The following RARB variants were observed in gnomAD, a reference collection of about 807,000 sequenced individuals.
The protein encoded by RARB is HBV-activated protein.
Under a neutral mutation model 51.9 loss-of-function variants are expected in RARB, and 17 were observed. The ratio of observed to expected loss-of-function variants is 0.33; its 90% CI spans 0.22 to 0.49. The LOEUF (loss-of-function observed/expected upper bound fraction) is 0.49. RARB is among the 20% of genes least tolerant of loss of function. The pLI, the probability that RARB is intolerant of heterozygous loss-of-function variation, is 0.99. For missense variants in RARB, 369 were observed against 550.8 expected (o/e 0.67, Z 3.30); for synonymous variants, 215 against 195.4 (o/e 1.10, Z -0.84).
intron 5 of RARB, among the ~76,000 whole-genome samples, chr3:25,288,821 T>C (rs868557639): frequency 6.6e-6 from 1 of 152,212 alleles, no homozygotes; most frequent in East Asian, 1.9e-4. Context: ...ATTGTCCCTG[T>C]AGAAATTTGA....
intron 5 of RARB, among the ~76,000 whole-genome samples, chr3:25,333,627 T>C (rs997258098): frequency 1.1e-4 from 16 of 152,124 alleles, no homozygotes; most frequent in African/African-American, 2.4e-4. Context: ...GCAAGGACTT[T>C]ATGTCTAAAA....
At chr3:25,239,639 T>G (rs1222111649) in intron 5 of RARB, among the ~76,000 whole-genome samples, 1 of 152,202 alleles carries the variant, frequency 6.6e-6, no homozygotes. Context: ...CTGGGTCCTC[T>G]ATTCTGTTCC....
intron 5 of RARB, among the ~76,000 whole-genome samples, chr3:25,191,751 C>G (rs904824712): frequency 6.6e-6 from 1 of 152,092 alleles, no homozygotes; most frequent in African/African-American, 2.4e-5. Context: ...CCAAATTATA[C>G]TCCCTCAGTG....
At chr3:25,047,968 G>T (rs1007503326) in intron 2 of RARB, among the ~76,000 whole-genome samples, 2 of 152,194 alleles carry the variant, frequency 1.3e-5, no homozygotes, top group Admixed American at 6.5e-5. Context: ...TAGTGAATAA[G>T]TCTCATGAGA....
intron 2 of RARB, among the ~76,000 whole-genome samples, chr3:25,028,812 C>A (rs141841037): frequency 6.6e-6 from 1 of 152,272 alleles, no homozygotes; most frequent in African/African-American, 2.4e-5. Context: ...GGAGAATATC[C>A]TGTGGTTGTC....
chr3:25,482,685 G>A (rs773141786), intron 2 of RARB, among the ~76,000 whole-genome samples: 5 of 151,428 alleles, frequency 3.3e-5, no homozygotes, highest in Non-Finnish European at 5.9e-5. Context: ...GACTACAGGC[G>A]CGTGCCACCA....
intron 4 of RARB, among the ~76,000 whole-genome samples, chr3:25,172,465 T>C (rs977504606): frequency 1.3e-5 from 2 of 152,308 alleles, no homozygotes; most frequent in African/African-American, 4.8e-5. Flanking sequence ...GTGCCTCACA[T>C]ATGGTAAATA....
At chr3:25,033,493 T>C (rs1187201518) in intron 2 of RARB, among the ~76,000 whole-genome samples, 2 of 152,116 alleles carry the variant, frequency 1.3e-5, no homozygotes, top group Non-Finnish European at 2.9e-5. Flanking sequence ...CACAGGGAAG[T>C]GTGTGGGAAA....
In RARB at chr3:24,896,481, G is replaced by A. The variant is rs576886993; in HGVS notation, c.-380+37729G>A. 9.2e-5 allele frequency among the ~76,000 whole-genome samples: 14 copies of A among 152,060 alleles called. No homozygotes were observed. In the South Asian group the frequency reaches 2.1e-3, roughly 23 times the overall value. ...TCACAGTGTTAGCCAGGATGGTCTCGATCTCCTGACCTCCTGATCCGCCCG... is the reference window on the plus strand; with the variant it reads ...TCACAGTGTTAGCCAGGATGGTCTCAATCTCCTGACCTCCTGATCCGCCCG... On this transcript the variant is annotated intron_variant, in intron 2 of 11. Transcript: ENST00000383772.
chr3:25,124,489 T>C (rs1012478628), intron 3 of RARB, among the ~76,000 whole-genome samples: 33 of 152,224 alleles, frequency 2.2e-4, no homozygotes, highest in Non-Finnish European at 4.4e-4. Context: ...TTTGATCCTG[T>C]ACTGGGAATT....
In RARB at chr3:25,063,725, T is replaced by TAA. The variant is rs77878713; in HGVS notation, c.-328+3553_-328+3554dup. ...GTTTGAGACTTTTTTTTTTTTTTTTTAAAAAGATGAGGAAACAGACCTTGG... is the reference window on the plus strand; with the variant it reads ...GTTTGAGACTTTTTTTTTTTTTTTTTAAAAAAAGATGAGGAAACAGACCTTGG... On this transcript the variant is annotated intron_variant, in intron 3 of 11. Transcript: ENST00000383772. 9.7e-3 allele frequency among the ~76,000 whole-genome samples: 1,455 copies of TAA among 149,266 alleles called. 14 individuals carry two copies. Among genetic ancestry groups the TAA allele is most frequent in the African/African-American group, 0.025 (1,021 of 40,760 alleles).
chr3:25,564,102 A>G (rs994859037), intron 3 of RARB, among the ~76,000 whole-genome samples: 1 of 152,184 alleles, frequency 6.6e-6, no homozygotes, highest in Non-Finnish European at 1.5e-5. Flanking sequence ...GCACAAGTGC[A>G]CACATTAAAA....
chr3:25,359,303 A>G (rs1705849912), intron 5 of RARB, among the ~76,000 whole-genome samples: 1 of 151,752 alleles, frequency 6.6e-6, no homozygotes, highest in Non-Finnish European at 1.5e-5. Flanking sequence ...GGTAGTTTGT[A>G]TTTCTGTGGG....
chr3:24,880,085 G>C (rs1462628142), intron 2 of RARB, among the ~76,000 whole-genome samples: 1 of 151,688 alleles, frequency 6.6e-6, no homozygotes, highest in East Asian at 1.9e-4. Context: ...TCTATTTTTT[G>C]CTTTCTTGCC....
At chr3:24,976,522 G>A (rs1213325297) in intron 2 of RARB, among the ~76,000 whole-genome samples, 4 of 152,176 alleles carry the variant, frequency 2.6e-5, no homozygotes, top group African/African-American at 4.8e-5. Flanking sequence ...GATGACCAGC[G>A]ATGATGAGCA....
chr3:25,039,820 A>G (rs1698076247), intron 2 of RARB, among the ~76,000 whole-genome samples: 1 of 152,202 alleles, frequency 6.6e-6, no homozygotes, highest in Non-Finnish European at 1.5e-5. Flanking sequence ...AGGTGAGGAA[A>G]GTGGAGAATT....
chr3:25,379,472 A>T lies in RARB; in HGVS notation c.179-81721A>T, dbSNP rs553039626. On this transcript the variant is annotated intron_variant, in intron 5 of 11. Coordinates refer to the RARB transcript ENST00000383772. ...AGGCTGATCATCTGTAAACAAGAAAAGCAGTGCCTGTCCCTTTCTTGAATT... is the reference window on the plus strand; with the variant it reads ...AGGCTGATCATCTGTAAACAAGAAATGCAGTGCCTGTCCCTTTCTTGAATT... Among the ~76,000 whole-genome samples, 56 of 152,352 alleles carry T rather than the reference A, an allele frequency of 3.7e-4. No individual in the cohort carries two copies. The Middle Eastern group carries it at 0.014, about 37-fold the overall frequency.
chr3:25,455,725 C>T (rs925102464), intron 1 of RARB, among the ~76,000 whole-genome samples: 4 of 152,152 alleles, frequency 2.6e-5, no homozygotes, highest in Admixed American at 1.3e-4. Context: ...CCATCTCACC[C>T]GAGTAGCAGA....
intron 3 of RARB, among the ~76,000 whole-genome samples, chr3:25,122,084 C>A (rs553784366): frequency 6.6e-6 from 1 of 152,254 alleles, no homozygotes; most frequent in Non-Finnish European, 1.5e-5. Flanking sequence ...ATTGTTCCAA[C>A]ACAGAAACCC....
Sources: gnomAD v4.1 joint callset for allele counts (sites outside exome capture counted in the v4.1 genomes callset) on GRCh38, gnomAD v4.1.1 for gene constraint, MANE v1.5 for transcripts, NCBI Gene and HGNC (gene_info 2026-07-23, HGNC 2026-07-21) for gene names.